The following GNAS-AS1 variants were observed in gnomAD, a reference collection of about 807,000 sequenced individuals.
GNAS-AS1 encodes GNAS antisense RNA 1 (non-protein coding).
intron 4 of GNAS-AS1, among the ~76,000 whole-genome samples, chr20:58,824,603 C>A (rs924747962): frequency 5.3e-5 from 8 of 152,176 alleles, no homozygotes; most frequent in African/African-American, 1.9e-4. Flanking sequence ...AAAATACTAT[C>A]ATTCAACCCC....
intron 1 of GNAS-AS1, among the ~76,000 whole-genome samples, chr20:58,850,138 C>A (rs2086099757): frequency 6.6e-6 from 1 of 152,178 alleles, no homozygotes; most frequent in Non-Finnish European, 1.5e-5. Context: ...CCCACTACCA[C>A]CTTCTATTCA....
intron 4 of GNAS-AS1, among the ~76,000 whole-genome samples, chr20:58,831,940 T>C (rs1379621927): frequency 6.6e-6 from 1 of 152,124 alleles, no homozygotes; most frequent in Admixed American, 6.5e-5. Flanking sequence ...ACATCTTTCG[T>C]TTTCTCATTT....
chr20:58,842,013 G>C (rs1440516876), exon 4 of GNAS-AS1: 2 of 846,910 alleles, frequency 2.4e-6, no homozygotes, highest in Admixed American at 8.6e-5. Flanking sequence ...TGGACGATCA[G>C]TCGTCGAAAA....
exon 1 of GNAS-AS1, chr20:58,850,881 G>A (rs1261994539): frequency 7.5e-6 from 3 of 398,636 alleles, no homozygotes; most frequent in Admixed American, 4.4e-5. Flanking sequence ...ACCTCTTCGG[G>A]CGTTCCAACG....
chr20:58,845,035 C>CGT (rs3842443), intron 2 of GNAS-AS1, among the ~76,000 whole-genome samples: 80,735 of 151,040 alleles, frequency 0.53, 22,972 homozygotes, highest in East Asian at 0.8. Context: ...GTGTGTTTTA[C>CGT]GTGTGTGTGT....
At position 58,840,781 on chromosome 20, in the gene GNAS-AS1, C is replaced by T; in HGVS notation, n.819+1156G>A. The T allele has an allele frequency of 6.2e-7, 1 of 1,610,634 alleles. No homozygotes were observed. Among genetic ancestry groups the T allele is most frequent in the African/African-American group, 1.3e-5 (1 of 75,032 alleles). ...GTCGCTGCAAGCCAAAGAAGCCCAC[C>T]CGCCGTGACGCGTCCCCGGAGTCCC... On this transcript the variant is annotated intron_variant and non_coding_transcript_variant, in intron 4 of 4. Coordinates refer to ENST00000424094, the Ensembl canonical transcript of GNAS-AS1. The surrounding 1 kb of genome is among the most constrained non-coding windows in gnomAD (Gnocchi z 6.0).
At position 58,841,009 on chromosome 20, in the gene GNAS-AS1, G is replaced by C; in HGVS notation, n.819+928C>G. ...GGAAGAGAGGAGGCTCAGCTGGTCA[G>C]CCTGGGATCGGGGGTCAGGGTGAGG... On this transcript the variant is annotated intron_variant and non_coding_transcript_variant, in intron 4 of 4. Coordinates refer to ENST00000424094, the Ensembl canonical transcript of GNAS-AS1. This position sits in a 1 kb window ranked among gnomAD's most constrained non-coding sequence, Gnocchi z 5.0. 8.9e-7 allele frequency: 1 copy of C among 1,126,236 alleles called. No individual in the cohort carries two copies. Among genetic ancestry groups the C allele is most frequent in the Non-Finnish European group, 1.3e-6 (1 of 779,760 alleles). 69.8% of individuals were successfully genotyped at this position (1,126,236 alleles called of 1,614,324 possible).
At chr20:58,834,027 C>T (rs542539635) in intron 4 of GNAS-AS1, 4 of 152,120 alleles carry the variant, frequency 2.6e-5, no homozygotes, top group Non-Finnish European at 5.9e-5. Flanking sequence ...TTGAAGAGCT[C>T]GAGCTGCAAG....
At chr20:58,833,605 T>G (rs1305718484) in intron 4 of GNAS-AS1, among the ~76,000 whole-genome samples, 1 of 152,120 alleles carries the variant, frequency 6.6e-6, no homozygotes, top group Non-Finnish European at 1.5e-5. Flanking sequence ...AACCCTGATG[T>G]GGAAACCAAG....
chr20:58,835,717 A>G (rs1027394375), intron 4 of GNAS-AS1, among the ~76,000 whole-genome samples: 26 of 152,196 alleles, frequency 1.7e-4, no homozygotes, highest in African/African-American at 6.3e-4. Context: ...GCTCATCCTC[A>G]ATTACTTCGA....
chr20:58,830,594 C>CCACCACCACCATCACCACCACACCACCAT (rs1446389563), intron 4 of GNAS-AS1, among the ~76,000 whole-genome samples: 1 of 118,520 alleles, frequency 8.4e-6, no homozygotes, highest in Non-Finnish European at 1.8e-5. Flanking sequence ...ACCACAATCA[C>CCACCACCACCATCACCACCACACCACCAT]CACCACCACC....
At chr20:58,836,054 T>C (rs971279310) in intron 4 of GNAS-AS1, among the ~76,000 whole-genome samples, 1 of 151,878 alleles carries the variant, frequency 6.6e-6, no homozygotes, top group Admixed American at 6.6e-5. Context: ...GCTTCCAAAA[T>C]AGTAAAAAGT....
Position 58,840,182 on chromosome 20 carries a change from C to T in GNAS-AS1, n.819+1755G>A, listed in dbSNP as rs967292772. On this transcript the variant is annotated intron_variant and non_coding_transcript_variant, in intron 4 of 4. Transcript: ENST00000424094. This position sits in a 1 kb window ranked among gnomAD's most constrained non-coding sequence, Gnocchi z 6.0. ...CAACGACCTGTGCCCGCCCATAGGCCGCCGGGCAGCCACCGCGCTCCTCTG... is the reference window on the plus strand; with the variant it reads ...CAACGACCTGTGCCCGCCCATAGGCTGCCGGGCAGCCACCGCGCTCCTCTG... 2 of 1,611,280 alleles carry T rather than the reference C, an allele frequency of 1.2e-6. No individual in the cohort carries two copies. The highest frequency in any genetic ancestry group is 1.3e-5 in the African/African-American group (1 of 74,924).
At chr20:58,824,690 T>C (rs2145451590) in intron 4 of GNAS-AS1, among the ~76,000 whole-genome samples, 1 of 152,324 alleles carries the variant, frequency 6.6e-6, no homozygotes, top group South Asian at 2.1e-4. Context: ...CTCCCACTCC[T>C]TGTGGTCTCC....
intron 4 of GNAS-AS1, among the ~76,000 whole-genome samples, chr20:58,822,453 C>G (rs1266249937): frequency 6.6e-6 from 1 of 152,180 alleles, no homozygotes; most frequent in African/African-American, 2.4e-5. Flanking sequence ...CCCCAGAAAA[C>G]TAGAGGCTCC....
chr20:58,846,997 C>T (rs1284429827), intron 2 of GNAS-AS1, among the ~76,000 whole-genome samples: 2 of 152,202 alleles, frequency 1.3e-5, no homozygotes, highest in East Asian at 3.8e-4. Flanking sequence ...GGAATGGCCT[C>T]TCCTCCCCTG....
At chr20:58,827,711 C>T (rs750769639) in intron 4 of GNAS-AS1, among the ~76,000 whole-genome samples, 6 of 152,186 alleles carry the variant, frequency 3.9e-5, no homozygotes, top group Admixed American at 6.5e-5. Flanking sequence ...GATGAAAAGG[C>T]TGCAATGTGA....
At chr20:58,820,744 A>C (rs2085480893) in intron 4 of GNAS-AS1, among the ~76,000 whole-genome samples, 1 of 152,270 alleles carries the variant, frequency 6.6e-6, no homozygotes, top group Non-Finnish European at 1.5e-5. Flanking sequence ...GCAAAGAGAG[A>C]GAGCGCTTGC....
At chr20:58,824,088 G>T (rs1366740001) in intron 4 of GNAS-AS1, 1 of 398,556 alleles carries the variant, frequency 2.5e-6, no homozygotes, top group Non-Finnish European at 4.4e-6. Context: ...AAGAACCCAT[G>T]AAGAACGAAC....
Sources: allele counts gnomAD v4.1 joint callset (sites outside exome capture counted in the v4.1 genomes callset), GRCh38; gene constraint gnomAD v4.1.1; non-coding constraint Gnocchi (gnomAD v3.1); transcripts MANE v1.5; gene names NCBI Gene and HGNC (gene_info 2026-07-23, HGNC 2026-07-21).